CSGALNACT1: variants seen among roughly 807,000 people sequenced by gnomAD.
CSGALNACT1 encodes chondroitin sulfate N-acetylgalactosaminyltransferase 1, also known as beta4GalNAcT-1.
CSGALNACT1 carries 52 observed loss-of-function variants against 51.0 expected under a neutral mutation model. The observed-to-expected ratio is 1.02, with a 90% confidence interval of 0.82 to 1.29. The LOEUF (loss-of-function observed/expected upper bound fraction) is 1.29. CSGALNACT1 is among the 50% of genes most tolerant of loss of function. The pLI is 0.00. For synonymous variants in CSGALNACT1, 341 were observed against 254.4 expected (o/e 1.34, Z -3.24); for missense variants, 935 against 679.2 (o/e 1.38, Z -4.19).
intron 4 of CSGALNACT1, among the ~76,000 whole-genome samples, chr8:19,497,488 G>A (rs977833454): frequency 1.3e-5 from 2 of 152,102 alleles, no homozygotes; most frequent in Admixed American, 1.3e-4. Flanking sequence ...AAGCAATCAT[G>A]AGAACCAGAC....
At chr8:19,717,541 A>T (rs1451802623) in intron 1 of CSGALNACT1, among the ~76,000 whole-genome samples, 1 of 152,184 alleles carries the variant, frequency 6.6e-6, no homozygotes, top group East Asian at 1.9e-4. Flanking sequence ...CTACCACCAC[A>T]GAACCATAAC....
At chr8:19,654,924 A>C (rs749752372) in intron 1 of CSGALNACT1, among the ~76,000 whole-genome samples, 3 of 152,116 alleles carry the variant, frequency 2.0e-5, no homozygotes. Context: ...GATTTCAAAG[A>C]AAGTATTCCC....
intron 1 of CSGALNACT1, among the ~76,000 whole-genome samples, chr8:19,629,917 T>G (rs2054979143): frequency 6.6e-6 from 1 of 152,106 alleles, no homozygotes; most frequent in African/African-American, 2.4e-5. Context: ...AGATGAGAAA[T>G]TCTGAGACGC....
At chr8:19,407,422 T>G (rs1432834834) in intron 9 of CSGALNACT1, among the ~76,000 whole-genome samples, 1 of 152,158 alleles carries the variant, frequency 6.6e-6, no homozygotes, top group Non-Finnish European at 1.5e-5. Context: ...ACGGTCCCCC[T>G]GACTCCATCG....
chr8:19,685,930 C>T (rs781405155), upstream of CSGALNACT1, among the ~76,000 whole-genome samples: 1 of 152,148 alleles, frequency 6.6e-6, no homozygotes. Context: ...GCCACCTGAT[C>T]ACTTGTAAAA....
At chr8:19,632,252 G>A (rs2975418) in intron 1 of CSGALNACT1, among the ~76,000 whole-genome samples, 89,564 of 152,110 alleles carry the variant, frequency 0.59, 26,703 homozygotes, top group African/African-American at 0.66. Flanking sequence ...TAACACATCT[G>A]CCTTGGAAAA....
rs149765252 is a variant in CSGALNACT1 at position 19,545,599 on chromosome 8, C to T, written c.-296-39469G>A. ...TGGTGTTTCAAACATAATATGCATTCAATAAATGTCTCTGGGTCAATGAAT... is the reference window on the plus strand; with the variant it reads ...TGGTGTTTCAAACATAATATGCATTTAATAAATGTCTCTGGGTCAATGAAT... On this transcript the variant is annotated intron_variant, in intron 3 of 9. Coordinates refer to ENST00000454498, the Ensembl canonical transcript of CSGALNACT1. 1.6e-3 allele frequency among the ~76,000 whole-genome samples: 241 copies of T among 151,892 alleles called. 1 individual carries two copies. Among genetic ancestry groups the T allele is most frequent in the African/African-American group, 5.6e-3 (232 of 41,472 alleles).
Position 19,474,323 on chromosome 8 carries a change from TAAAG to T in CSGALNACT1, c.635-15685_635-15682del, listed in dbSNP as rs58437948. On this transcript the variant is annotated intron_variant, in intron 4 of 9. Transcript: ENST00000454498. ...CCCTTTGAATATCTACTTTCCAATA[TAAAG>T]AAAGTTGGAAACTATTATCAAAACT... Among the ~76,000 whole-genome samples, 785 of 152,314 alleles carry T rather than the reference TAAAG, an allele frequency of 5.2e-3. 8 individuals carry two copies. Among genetic ancestry groups the T allele is most frequent in the African/African-American group, 0.018 (734 of 41,572 alleles).
intron 2 of CSGALNACT1, among the ~76,000 whole-genome samples, chr8:19,592,950 T>C (rs2048146740): frequency 6.6e-6 from 1 of 152,218 alleles, no homozygotes; most frequent in Admixed American, 6.5e-5. Flanking sequence ...TTTAACAGGG[T>C]ATTAAATGCT....
intron 5 of CSGALNACT1, 105 bp downstream of exon 4, chr8:19,458,321 G>C (rs2064570453): frequency 1.0e-6 from 1 of 963,908 alleles, no homozygotes; most frequent in Non-Finnish European, 1.7e-6. Flanking sequence ...TAAGAGAAAG[G>C]AGGCTTTGTA....
intron 1 of CSGALNACT1, among the ~76,000 whole-genome samples, chr8:19,658,006 G>A (rs1016706998): frequency 7.2e-6 from 1 of 139,254 alleles, no homozygotes; most frequent in South Asian, 2.4e-4. Context: ...AGGCAGAATA[G>A]TGATAGAATA....
chr8:19,652,241 A>G (rs577951570), intron 1 of CSGALNACT1, among the ~76,000 whole-genome samples: 66 of 152,248 alleles, frequency 4.3e-4, no homozygotes, highest in African/African-American at 1.4e-3. Flanking sequence ...ATGAGCCACC[A>G]TATCAGGCCT....
chr8:19,577,817 A>G (rs536132549), intron 3 of CSGALNACT1, among the ~76,000 whole-genome samples: 1 of 152,258 alleles, frequency 6.6e-6, no homozygotes, highest in African/African-American at 2.4e-5. Context: ...TAAAACTGTA[A>G]AGTTAGAGAG....
At chr8:19,464,798 T>C (rs751784106) in intron 4 of CSGALNACT1, among the ~76,000 whole-genome samples, 6 of 152,150 alleles carry the variant, frequency 3.9e-5, no homozygotes, top group Non-Finnish European at 8.8e-5. Flanking sequence ...TGTGGAATTG[T>C]CTTCCACAAA....
chr8:19,545,869 A>G (rs2086347571), intron 3 of CSGALNACT1, among the ~76,000 whole-genome samples: 2 of 148,512 alleles, frequency 1.3e-5, no homozygotes, highest in African/African-American at 4.9e-5. Flanking sequence ...TATATTATAT[A>G]TAAGTTATAT....
chr8:19,568,802 C>T (rs76041752), intron 3 of CSGALNACT1, among the ~76,000 whole-genome samples: 31 of 152,236 alleles, frequency 2.0e-4, no homozygotes, highest in South Asian at 4.1e-4. Context: ...TTCCATAGCT[C>T]CCTGTTAGAG....
intron 1 of CSGALNACT1, among the ~76,000 whole-genome samples, chr8:19,746,188 C>A (rs192107966): frequency 4.6e-5 from 7 of 152,152 alleles, no homozygotes; most frequent in South Asian, 4.1e-4. Flanking sequence ...TAAGCCCTAG[C>A]GTAGTAATAT....
intron 6 of CSGALNACT1, 135 bp downstream of exon 5, chr8:19,439,695 A>G: frequency 2.7e-6 from 2 of 742,208 alleles, no homozygotes; most frequent in Admixed American, 2.0e-5. Context: ...TTCCCTGAAC[A>G]CAGCCAGCAA....
At chr8:19,735,688 T>G (rs762450969) in intron 1 of CSGALNACT1, among the ~76,000 whole-genome samples, 5 of 152,122 alleles carry the variant, frequency 3.3e-5, no homozygotes, top group Admixed American at 6.5e-5. Flanking sequence ...AGACAGAAGA[T>G]CTGACCCTTA....
Sources: allele counts gnomAD v4.1 joint callset (sites outside exome capture counted in the v4.1 genomes callset), GRCh38; gene constraint gnomAD v4.1.1; transcripts MANE v1.5; gene names NCBI Gene and HGNC (gene_info 2026-07-23, HGNC 2026-07-21).